GPC6: variants seen among roughly 807,000 people sequenced by gnomAD.
The protein encoded by GPC6 is glypican-6.
In GPC6, 14 loss-of-function variants were observed where a neutral mutation model predicts 55.2. The ratio of observed to expected loss-of-function variants is 0.25; its 90% CI spans 0.17 to 0.40. GPC6 has a LOEUF of 0.40. GPC6 is among the 10% of genes least tolerant of loss of function. The pLI, the probability that GPC6 is intolerant of heterozygous loss-of-function variation, is 1.00. For synonymous variants in GPC6, 278 were observed against 259.6 expected, an observed-to-expected ratio of 1.07 and a Z score of -0.68; for missense variants, 641 against 708.5, an observed-to-expected ratio of 0.90 and a Z score of 1.08.
chr13:93,544,705 T>C (rs193294481), intron 1 of GPC6, among the ~76,000 whole-genome samples: 1 of 152,346 alleles, frequency 6.6e-6, no homozygotes, highest in Admixed American at 6.5e-5. Context: ...AGTGACTTCC[T>C]TCTTTCTGGA....
chr13:93,668,408 A>G (rs1445229566), intron 2 of GPC6, among the ~76,000 whole-genome samples: 1 of 152,182 alleles, frequency 6.6e-6, no homozygotes, highest in Admixed American at 6.5e-5. Flanking sequence ...TTCTTGCCTG[A>G]TAGTGTAGTG....
chr13:93,978,435 T>C (rs986004714), intron 3 of GPC6, among the ~76,000 whole-genome samples: 11 of 152,168 alleles, frequency 7.2e-5, no homozygotes, highest in Non-Finnish European at 1.3e-4. Flanking sequence ...TATTTTCCAT[T>C]TTAGTAGTTC....
intron 4 of GPC6, among the ~76,000 whole-genome samples, chr13:94,117,355 C>T (rs1329080248): frequency 6.6e-6 from 1 of 152,040 alleles, no homozygotes; most frequent in Non-Finnish European, 1.5e-5. Flanking sequence ...AAATCCCAGG[C>T]AATTATTTGA....
chr13:94,221,314 C>T (rs753210607), intron 4 of GPC6, among the ~76,000 whole-genome samples: 2 of 152,160 alleles, frequency 1.3e-5, no homozygotes, highest in South Asian at 2.1e-4. Flanking sequence ...ATCATTTTAA[C>T]GTAAGTGATA....
chr13:93,327,759 T>A (rs201734049), intron 1 of GPC6, among the ~76,000 whole-genome samples: 25 of 144,808 alleles, frequency 1.7e-4, no homozygotes, highest in East Asian at 1.5e-3. Context: ...AAATTATATA[T>A]AATATATATA....
intron 4 of GPC6, chr13:94,187,335 G>A (rs1889232986): frequency 6.6e-6 from 1 of 152,066 alleles, no homozygotes; most frequent in Non-Finnish European, 1.5e-5. Context: ...ACATCAAATT[G>A]ATCAAAGCAG....
rs1356247268 is a variant in GPC6 at position 93,402,852 on chromosome 13, C to A, written c.161-142411C>A. On this transcript the variant is annotated intron_variant, in intron 1 of 8. Transcript: ENST00000377047. ...GTAATATAAATAGATAACTTGATCA[C>A]TTCCTGTTTTTGTGCCTCCTCAGAC... Among the ~76,000 whole-genome samples, 4 of 152,082 alleles carry A rather than the reference C, an allele frequency of 2.6e-5. No individual in the cohort carries two copies. The East Asian group carries it at 7.7e-4, about 29-fold the overall frequency.
chr13:94,347,907 G>T (rs1168031735), intron 6 of GPC6, among the ~76,000 whole-genome samples: 1 of 152,216 alleles, frequency 6.6e-6, no homozygotes. Flanking sequence ...ACCAAAGCGG[G>T]TGGGTACCCG....
At chr13:94,162,750 C>T (rs908542092) in intron 4 of GPC6, among the ~76,000 whole-genome samples, 3 of 152,020 alleles carry the variant, frequency 2.0e-5, no homozygotes, top group Non-Finnish European at 4.4e-5. Flanking sequence ...TTTTCTTCTG[C>T]ATTTTCAGTT....
At chr13:94,031,562 C>T (rs542547948) in intron 4 of GPC6, among the ~76,000 whole-genome samples, 1 of 149,784 alleles carries the variant, frequency 6.7e-6, no homozygotes, top group South Asian at 2.1e-4. Flanking sequence ...AGGAGAAAAC[C>T]CTGTTTTAAG....
At chr13:94,063,948 C>T (rs375153222) in intron 4 of GPC6, among the ~76,000 whole-genome samples, 1 of 152,280 alleles carries the variant, frequency 6.6e-6, no homozygotes, top group Non-Finnish European at 1.5e-5. Flanking sequence ...AGACTTAACA[C>T]CATGCACCAG....
intron 5 of GPC6, among the ~76,000 whole-genome samples, chr13:94,289,662 C>T (rs983400603): frequency 6.6e-6 from 1 of 152,130 alleles, no homozygotes; most frequent in Non-Finnish European, 1.5e-5. Flanking sequence ...TATGTCCATC[C>T]AAACCTAGAA....
In GPC6 at chr13:94,171,974, G is replaced by A. The variant is rs1594017815; in HGVS notation, c.878-114375G>A. On this transcript the variant is annotated intron_variant, in intron 4 of 8. Transcript: ENST00000377047. ...CAATTGTGTTAAGTGCTGAAAACGT[G>A]GAATTGATGAGCATTTTCAATTTTT... Among the ~76,000 whole-genome samples the A allele has an allele frequency of 2.0e-5, 3 of 152,128 alleles. No homozygotes were observed. In the East Asian group the frequency reaches 5.8e-4, roughly 29 times the overall value.
chr13:93,656,027 A>G (rs1191972856), intron 2 of GPC6, among the ~76,000 whole-genome samples: 10 of 152,200 alleles, frequency 6.6e-5, no homozygotes, highest in African/African-American at 2.2e-4. Flanking sequence ...ATGAACAGCA[A>G]GAAGTAAAAT....
At chr13:94,320,905 T>A (rs1053921412) in intron 6 of GPC6, among the ~76,000 whole-genome samples, 4 of 152,210 alleles carry the variant, frequency 2.6e-5, no homozygotes, top group Non-Finnish European at 5.9e-5. Context: ...AACTCTGAGT[T>A]AAGATTGTTT....
intron 1 of GPC6, among the ~76,000 whole-genome samples, chr13:93,307,682 G>C (rs1333683753): frequency 2.0e-5 from 3 of 151,984 alleles, no homozygotes; most frequent in African/African-American, 7.3e-5. Flanking sequence ...CATACTCTTT[G>C]ATCAATTACT....
chr13:93,936,077 T>G (rs947532623), intron 3 of GPC6, among the ~76,000 whole-genome samples: 3 of 152,178 alleles, frequency 2.0e-5, no homozygotes, highest in East Asian at 1.9e-4. Context: ...ATACATGATA[T>G]CACTCACCAC....
intron 1 of GPC6, among the ~76,000 whole-genome samples, chr13:93,325,096 G>A (rs1394544674): frequency 1.7e-5 from 2 of 115,882 alleles, no homozygotes; most frequent in East Asian, 9.5e-4. Flanking sequence ...CTGGATGAAA[G>A]ATGAAAAATT....
rs182051971 is a variant in GPC6, at chr13:94,083,474, T to C, written c.877+55580T>C. ...ACTTTGCTATATGTTAATTTGTTTA[T>C]TTTTTATTCTCTGTCCCATTCCCAT... is the stretch of plus-strand genomic sequence containing the variant. On this transcript the variant is annotated intron_variant, in intron 4 of 8. Coordinates refer to ENST00000377047, the MANE Select transcript of GPC6 (RefSeq NM_005708.5). Among the ~76,000 whole-genome samples, 769 of 152,316 alleles carry C rather than the reference T, an allele frequency of 5.0e-3. 4 individuals carry two copies. Among genetic ancestry groups the C allele is most frequent in the Non-Finnish European group, 8.7e-3 (589 of 68,030 alleles).
Sources: allele counts gnomAD v4.1 joint callset (sites outside exome capture counted in the v4.1 genomes callset), GRCh38; gene constraint gnomAD v4.1.1; transcripts MANE v1.5; gene names NCBI Gene and HGNC (gene_info 2026-07-23, HGNC 2026-07-21).